BICRAL: variants seen among roughly 807,000 people sequenced by gnomAD.
BICRAL encodes BRD4-interacting chromatin-remodeling complex-associated protein-like.
BICRAL carries 8 observed loss-of-function variants against 91.8 expected under a neutral mutation model. The ratio of observed to expected loss-of-function variants is 0.09; its 90% CI spans 0.05 to 0.16. BICRAL has a LOEUF of 0.16. BICRAL is among the 10% of genes least tolerant of loss of function. The pLI is 1.00. For missense variants in BICRAL, 1,038 were observed against 1,310.9 expected (o/e 0.79, Z 3.21); for synonymous variants, 445 against 491.1 (o/e 0.91, Z 1.24).
At chr6:42,852,549 C>G (rs1233720735) in intron 7 of BICRAL, 1 of 386,364 alleles carries the variant, frequency 2.6e-6, no homozygotes, top group Non-Finnish European at 5.1e-6. Flanking sequence ...GTAATCCCAG[C>G]TACTCAGGAG....
At chr6:42,796,845 G>A (rs543731180) in intron 1 of BICRAL, among the ~76,000 whole-genome samples, 12 of 152,066 alleles carry the variant, frequency 7.9e-5, no homozygotes, top group South Asian at 2.1e-4. Context: ...TCAGGAGTTC[G>A]AGACCAGCCT....
chr6:42,783,418 G>A (rs1368666082), intron 1 of BICRAL, among the ~76,000 whole-genome samples: 1 of 152,184 alleles, frequency 6.6e-6, no homozygotes, highest in African/African-American at 2.4e-5. Flanking sequence ...CCCCAAATGC[G>A]GGATATTGGG....
chr6:42,748,832 G>A (rs915044728), intron 1 of BICRAL, among the ~76,000 whole-genome samples: 1 of 152,204 alleles, frequency 6.6e-6, no homozygotes, highest in Non-Finnish European at 1.5e-5. Flanking sequence ...GAAATGGCTG[G>A]CATTGCCCGG....
Position 42,829,514 on chromosome 6 carries a change from C to G in BICRAL, c.1181C>G (p.Pro394Arg). 6.2e-7 allele frequency: 1 copy of G among 1,614,170 alleles called. No individual in the cohort carries two copies. The change falls in exon 6 of 13, where the codon CCT becomes CGT. Residue 394 changes from proline to arginine, a missense_variant. Pro to Arg is a moderately radical substitution (Grantham distance 103, BLOSUM62 -2). Transcript: ENST00000314073. The part of the protein sequence containing the change: ...SIVIHSPMGQ[P>R]HAPQSQFLIP... ...GTTATTCATTCCCCCATGGGCCAAC[C>G]TCACGCACCCCAAAGTCAGTTCCTT... is the stretch of plus-strand genomic sequence containing the variant.
chr6:42,812,166 A>AT (rs1562473755), intron 2 of BICRAL, among the ~76,000 whole-genome samples: 3 of 152,170 alleles, frequency 2.0e-5, no homozygotes, highest in African/African-American at 2.4e-5. Context: ...AGAATTAATC[A>AT]TTTTTTTTGT....
chr6:42,783,896 G>C (rs1763019889), intron 1 of BICRAL, among the ~76,000 whole-genome samples: 1 of 152,206 alleles, frequency 6.6e-6, no homozygotes, highest in South Asian at 2.1e-4. Flanking sequence ...CTGGCCCGGC[G>C]TGGGGGCAGG....
At chr6:42,830,482 C>T (rs1383764873) in intron 6 of BICRAL, among the ~76,000 whole-genome samples, 1 of 151,948 alleles carries the variant, frequency 6.6e-6, no homozygotes, top group African/African-American at 2.4e-5. Context: ...AGGAGAATAG[C>T]TTGAGCATGG....
chr6:42,831,935 C>T (rs1403236861), intron 6 of BICRAL, among the ~76,000 whole-genome samples: 1 of 151,644 alleles, frequency 6.6e-6, no homozygotes, highest in Non-Finnish European at 1.5e-5. Context: ...GGCAGGGTTT[C>T]ACCATGTCGC....
chr6:42,844,178 GCCAGAGGAGAACC>G (rs2113992356), intron 6 of BICRAL, among the ~76,000 whole-genome samples: 1 of 150,292 alleles, frequency 6.7e-6, no homozygotes, highest in East Asian at 2.0e-4. Context: ...GTAGAAAACA[GCCAGAGGAGAACC>G]CCACAGCACC....
intron 1 of BICRAL, among the ~76,000 whole-genome samples, chr6:42,794,893 G>A (rs887433720): frequency 6.6e-6 from 1 of 151,470 alleles, no homozygotes; most frequent in Non-Finnish European, 1.5e-5. Flanking sequence ...CCCGGGAGGC[G>A]GAGGTTACAG....
upstream of BICRAL, among the ~76,000 whole-genome samples, chr6:42,780,397 A>T (rs765827798): frequency 6.6e-6 from 1 of 152,104 alleles, no homozygotes; most frequent in Non-Finnish European, 1.5e-5. Context: ...ATCTAGAGAG[A>T]GTTTTATTGA....
rs1275422354 is a variant in BICRAL at position 42,866,055 on chromosome 6, A to G, written c.*609A>G. The G allele has an allele frequency of 6.6e-6, 1 of 152,484 alleles. No individual in the cohort carries two copies. Among genetic ancestry groups the G allele is most frequent in the Non-Finnish European group, 1.5e-5 (1 of 68,334 alleles). The allele number at this position is 152,484 out of a possible 1,614,324, so 9.4% of individuals were successfully genotyped here. ...TGCCAGGGACCCGCAGCCCTGGTGG[A>G]AAAGCCAGTAGCACATACGCAGGGC... On this transcript the variant is annotated 3_prime_UTR_variant, in exon 13 of 13. Coordinates refer to ENST00000314073, the MANE Select transcript of BICRAL (RefSeq NM_001393499.1).
intron 6 of BICRAL, among the ~76,000 whole-genome samples, chr6:42,851,394 T>C (rs1226322731): frequency 6.6e-6 from 1 of 152,016 alleles, no homozygotes; most frequent in Non-Finnish European, 1.5e-5. Context: ...TGAGATAACA[T>C]AAGTTTTTTT....
chr6:42,863,246 C>T (rs1765611961), intron 12 of BICRAL, among the ~76,000 whole-genome samples: 1 of 152,048 alleles, frequency 6.6e-6, no homozygotes, highest in Non-Finnish European at 1.5e-5. Flanking sequence ...GACGGGGTTT[C>T]ACCGTGTTAG....
At position 42,830,119 on chromosome 6, in the gene BICRAL, A is replaced by G. The variant is rs1764431259; in HGVS notation, c.1786A>G (p.Ser596Gly). The change falls in exon 6 of 13, where the codon AGC becomes GGC. Residue 596 changes from serine (S) to glycine (G), a missense_variant. Physicochemically the swap from Ser to Gly is moderately conservative, Grantham distance 56. Around this residue, in one of 5 missense-constraint regions of BICRAL, gnomAD observed 532 missense variants for 724.9 expected, o/e 0.73. Transcript: ENST00000314073. ...RLPVSSSKSTSTFSNTPGTGT... is the reference protein window; with the variant it reads ...RLPVSSSKSTGTFSNTPGTGT... ...TCCAGTTTCTTCTTCCAAGTCTACC[A>G]GCACCTTCAGTAACACACCTGGAAC... The G allele has an allele frequency of 1.2e-6, 2 of 1,614,104 alleles. No homozygotes were observed. Among genetic ancestry groups the G allele is most frequent in the South Asian group, 2.2e-5 (2 of 91,088 alleles).
intron 1 of BICRAL, among the ~76,000 whole-genome samples, chr6:42,771,283 C>G (rs1762720552): frequency 6.6e-6 from 1 of 152,202 alleles, no homozygotes; most frequent in South Asian, 2.1e-4. Context: ...GCCGCCGCTG[C>G]GCCCGTGCAT....
chr6:42,863,250 G>C (rs937353817), intron 12 of BICRAL, among the ~76,000 whole-genome samples: 15 of 151,866 alleles, frequency 9.9e-5, no homozygotes, highest in Non-Finnish European at 1.8e-4. Context: ...GGGTTTCACC[G>C]TGTTAGCCAG....
At chr6:42,746,950 T>A (rs1762286701), upstream of BICRAL, 1 of 152,350 alleles carries the variant, frequency 6.6e-6, no homozygotes, top group African/African-American at 2.4e-5. Flanking sequence ...ACCCCCTTCC[T>A]CTTTCTTCCC....
chr6:42,763,162 G>A (rs1056432435), intron 1 of BICRAL, among the ~76,000 whole-genome samples: 1 of 152,108 alleles, frequency 6.6e-6, no homozygotes. Context: ...GAACCACGAG[G>A]TACTTCACTT....
Sources: allele counts gnomAD v4.1 joint callset (sites outside exome capture counted in the v4.1 genomes callset), GRCh38; gene constraint gnomAD v4.1.1; regional missense constraint gnomAD v4.1.1; transcripts MANE v1.5; gene names NCBI Gene and HGNC (gene_info 2026-07-23, HGNC 2026-07-21).